Variants in CPA3 observed in about 807,000 individuals in gnomAD.
CPA3 encodes the protein carboxypeptidase A3.
Under a neutral mutation model 55.8 loss-of-function variants are expected in CPA3, and 52 were observed. The ratio of observed to expected loss-of-function variants is 0.93; its 90% CI spans 0.75 to 1.17. CPA3 has a LOEUF of 1.17. CPA3 is among the 50% of genes most tolerant of loss of function. CPA3 has a pLI of 0.00. For synonymous variants in CPA3, 179 were observed against 171.2 expected, an observed-to-expected ratio of 1.05 and a Z score of -0.36; for missense variants, 547 against 509.1, an observed-to-expected ratio of 1.07 and a Z score of -0.72.
In CPA3 at chr3:148,879,864, C is replaced by G; in HGVS notation, c.551C>G (p.Ala184Gly). 5 of 1,612,278 alleles carry G rather than the reference C, an allele frequency of 3.1e-6. No individual in the cohort carries two copies. Among genetic ancestry groups the G allele is most frequent in the Non-Finnish European group, 4.2e-6 (5 of 1,178,464 alleles). Residue 184 changes from alanine to glycine, a missense_variant, in exon 6 of 11, where the codon GCA becomes GGA. Physicochemically the swap from Ala to Gly is moderately conservative, Grantham distance 60. Transcript: ENST00000296046. ...CACGCACGAGAATGGGTCTCCCCAG[C>G]ATTCTGCCAGTGGTTTGTCTATCAG... ...GIHAREWVSP[A>G]FCQWFVYQAT...
chr3:148,893,788 A>G (rs956876643), intron 10 of CPA3, among the ~76,000 whole-genome samples: 1 of 152,244 alleles, frequency 6.6e-6, no homozygotes, highest in Admixed American at 6.5e-5. Flanking sequence ...TCAGACAGAA[A>G]TGATCTAGAG....
intron 10 of CPA3, among the ~76,000 whole-genome samples, chr3:148,890,468 C>A (rs1714639643): frequency 1.3e-5 from 2 of 151,942 alleles, no homozygotes; most frequent in Admixed American, 1.3e-4. Context: ...TGCTCTTTTT[C>A]CATATTCTAC....
chr3:148,883,786 T>G lies in CPA3; in HGVS notation c.952T>G (p.Ser318Ala), dbSNP rs770777059. Residue 318 changes from serine to alanine, a missense_variant, in exon 9 of 11, where the codon TCA becomes GCA. Ser to Ala is a moderately conservative substitution (Grantham distance 99). Coordinates refer to ENST00000296046, the MANE Select transcript of CPA3 (RefSeq NM_001870.4). ...QMLLFPYGYTSKLPPNHEDLA... is the reference protein window; with the variant it reads ...QMLLFPYGYTAKLPPNHEDLA... ...GCTATTGTTTCCCTATGGATATACA[T>G]CAAAACTGCCACCTAACCATGAGGA... 2 of 1,614,050 alleles carry G rather than the reference T, an allele frequency of 1.2e-6. No individual in the cohort carries two copies. The highest frequency in any genetic ancestry group is 1.7e-6 in the Non-Finnish European group (2 of 1,179,934).
intron 9 of CPA3, 94 bp from the exon 10 acceptor site, chr3:148,885,999 A>C: frequency 2.4e-6 from 2 of 820,882 alleles, no homozygotes; most frequent in Non-Finnish European, 4.1e-6. Flanking sequence ...AACCTGTAAG[A>C]CTCCATTAAA....
chr3:148,877,561 C>T (rs1714242778), intron 3 of CPA3, among the ~76,000 whole-genome samples: 1 of 152,104 alleles, frequency 6.6e-6, no homozygotes, highest in African/African-American at 2.4e-5. Context: ...AGCCTCTTGA[C>T]CCTCAACATT....
intron 3 of CPA3, among the ~76,000 whole-genome samples, chr3:148,872,262 G>A (rs1034139560): frequency 5.3e-5 from 8 of 152,118 alleles, no homozygotes; most frequent in Admixed American, 1.3e-4. Flanking sequence ...GGGAAGGCAC[G>A]TCCATCGGAC....
rs12962 is a variant in CPA3, at chr3:148,897,003, T to C, written c.*296T>C. 0.52 allele frequency: 119,038 copies of C among 227,038 alleles called. 33,358 individuals carry two copies. The highest frequency in any genetic ancestry group is 0.61 in the Non-Finnish European group (70,943 of 117,158). 14.1% of individuals were successfully genotyped at this position (227,038 alleles called of 1,614,324 possible). A position where few individuals can be genotyped will look rare whatever the true frequency, so the allele number is the denominator to read the frequency against. ...GGGGCACAGAAAACAAATGAAAACCTTCAGTTTCTCACAGATTTTCACCAT... is the reference window on the plus strand; with the variant it reads ...GGGGCACAGAAAACAAATGAAAACCCTCAGTTTCTCACAGATTTTCACCAT... On this transcript the variant is annotated 3_prime_UTR_variant, in exon 11 of 11. Coordinates refer to ENST00000296046, the MANE Select transcript of CPA3 (RefSeq NM_001870.4).
chr3:148,867,136 C>T (rs1489150503), intron 2 of CPA3, among the ~76,000 whole-genome samples: 1 of 152,182 alleles, frequency 6.6e-6, no homozygotes, highest in Non-Finnish European at 1.5e-5. Context: ...CAATATCCTG[C>T]TCCTCCACCT....
At chr3:148,882,413 A>G in intron 7 of CPA3, 92 bp from the exon 8 acceptor site, 1 of 888,764 alleles carries the variant, frequency 1.1e-6, no homozygotes. Context: ...TTTCAAATAA[A>G]GTTGCAGACA....
At chr3:148,885,759 A>T (rs1372195714) in intron 9 of CPA3, among the ~76,000 whole-genome samples, 1 of 152,064 alleles carries the variant, frequency 6.6e-6, no homozygotes, top group Non-Finnish European at 1.5e-5. Context: ...TTCTCGTTTA[A>T]CCATTTATTT....
chr3:148,866,447 C>G (rs1005001763), intron 2 of CPA3, among the ~76,000 whole-genome samples: 1 of 152,254 alleles, frequency 6.6e-6, no homozygotes, highest in Non-Finnish European at 1.5e-5. Context: ...ACAAAGCCAA[C>G]TCTGCATTGC....
Position 148,882,524 on chromosome 3 carries a change from A to AT in CPA3, c.708dup (p.Arg237SerfsTer13), listed in dbSNP as rs767600438. On this transcript the variant is annotated frameshift_variant, in exon 8 of 11. Transcript: ENST00000296046. LOFTEE classifies it high-confidence loss of function. ...TGGCAGAACCGCATGTGGAGAAAAA[A>AT]TCGTTCCAAGAACCAAAACTCCAAA... is the stretch of plus-strand genomic sequence containing the variant. 1 of 1,613,744 alleles carries AT rather than the reference A, an allele frequency of 6.2e-7. No individual in the cohort carries two copies. Among genetic ancestry groups the AT allele is most frequent in the Non-Finnish European group, 8.5e-7 (1 of 1,179,724 alleles).
At position 148,896,873 on chromosome 3, in the gene CPA3, C is replaced by T; in HGVS notation, c.*166C>T. On this transcript the variant is annotated 3_prime_UTR_variant, in exon 11 of 11. Transcript: ENST00000296046. ...GTTTGCTTTTACTTACTTTCAGTAG[C>T]ACCATAACGAAGTAGCTTTAAGTGA... is the stretch of plus-strand genomic sequence containing the variant. 1 of 508,396 alleles carries T rather than the reference C, an allele frequency of 2.0e-6. No individual in the cohort carries two copies. Among genetic ancestry groups the T allele is most frequent in the Non-Finnish European group, 3.3e-6 (1 of 304,844 alleles). 31.5% of individuals were successfully genotyped at this position (508,396 alleles called of 1,614,324 possible).
chr3:148,890,934 G>T (rs1318624517), intron 10 of CPA3, among the ~76,000 whole-genome samples: 4 of 152,166 alleles, frequency 2.6e-5, no homozygotes, highest in African/African-American at 9.7e-5. Context: ...AGAATATGCT[G>T]TCAACAAAAA....
intron 8 of CPA3, among the ~76,000 whole-genome samples, chr3:148,882,860 T>C (rs1369851163): frequency 6.6e-6 from 1 of 152,110 alleles, no homozygotes; most frequent in Non-Finnish European, 1.5e-5. Context: ...TCCAAATGTA[T>C]AAAAATTCAG....
At chr3:148,893,894 C>G (rs1219927433) in intron 10 of CPA3, among the ~76,000 whole-genome samples, 2 of 152,172 alleles carry the variant, frequency 1.3e-5, no homozygotes, top group Non-Finnish European at 2.9e-5. Context: ...AAACACCTAT[C>G]AACCCTAAAT....
chr3:148,865,739 C>T (rs546321684), intron 2 of CPA3, among the ~76,000 whole-genome samples, 191 bp downstream of exon 2: 1 of 152,266 alleles, frequency 6.6e-6, no homozygotes, highest in South Asian at 2.1e-4. Context: ...TCCAAGACTA[C>T]CACTTCTGTT....
chr3:148,891,922 T>C (rs1366371087), intron 10 of CPA3, among the ~76,000 whole-genome samples: 2 of 152,218 alleles, frequency 1.3e-5, no homozygotes, highest in East Asian at 1.9e-4. Context: ...CTTAGTGTGA[T>C]TTCTTTCTCA....
chr3:148,880,698 A>G (rs1714339089), intron 6 of CPA3, among the ~76,000 whole-genome samples: 2 of 152,268 alleles, frequency 1.3e-5, no homozygotes, highest in Admixed American at 6.5e-5. Context: ...TCTATTGCCA[A>G]TGTATTTTGA....
Sources: allele counts gnomAD v4.1 joint callset (sites outside exome capture counted in the v4.1 genomes callset), GRCh38; gene constraint gnomAD v4.1.1; transcripts MANE v1.5; gene names NCBI Gene and HGNC (gene_info 2026-07-23, HGNC 2026-07-21).